The following GTF2E2 variants were observed in gnomAD, a reference collection of about 807,000 sequenced individuals.
GTF2E2 encodes general transcription factor IIE subunit 2.
A neutral mutation model predicts 40.5 loss-of-function variants in GTF2E2; 21 were observed. That is an observed-to-expected ratio of 0.52 (90% CI 0.37 to 0.75). GTF2E2 has a LOEUF of 0.75. Among genes scored for constraint, GTF2E2 ranks in the 30% least tolerant of loss-of-function variants. GTF2E2 has a pLI of 0.00. For missense variants in GTF2E2, 298 were observed against 338.4 expected (o/e 0.88, Z 0.94); for synonymous variants, 117 against 121.6 (o/e 0.96, Z 0.25).
chr8:30,644,880 A>G (rs1018097529), intron 2 of GTF2E2, among the ~76,000 whole-genome samples: 5 of 151,906 alleles, frequency 3.3e-5, no homozygotes, highest in Non-Finnish European at 7.4e-5. Flanking sequence ...CCTCCCAAGC[A>G]GCTGGGACTA....
chr8:30,617,604 T>C (rs1240236168), intron 3 of GTF2E2, among the ~76,000 whole-genome samples: 3 of 151,956 alleles, frequency 2.0e-5, no homozygotes, highest in Non-Finnish European at 4.4e-5. Context: ...ATACAAAAAT[T>C]AATCAGGTAT....
chr8:30,652,971 T>A (rs1256296772), intron 2 of GTF2E2, among the ~76,000 whole-genome samples: 1 of 152,166 alleles, frequency 6.6e-6, no homozygotes, highest in Non-Finnish European at 1.5e-5. Context: ...GACCACTTAC[T>A]GTACAATTTC....
At chr8:30,654,952 T>C (rs1290292791) in intron 1 of GTF2E2, among the ~76,000 whole-genome samples, 1 of 152,166 alleles carries the variant, frequency 6.6e-6, no homozygotes, top group Admixed American at 6.5e-5. Flanking sequence ...TAGAAATGTC[T>C]ACAGAGAGCC....
At chr8:30,624,171 C>G (rs564200360) in intron 3 of GTF2E2, among the ~76,000 whole-genome samples, 37 of 152,222 alleles carry the variant, frequency 2.4e-4, no homozygotes, top group African/African-American at 8.7e-4. Context: ...TTTAATCCAT[C>G]TTGAATTAAT....
intron 6 of GTF2E2, among the ~76,000 whole-genome samples, chr8:30,598,586 T>C (rs1829081549): frequency 6.6e-6 from 1 of 152,238 alleles, no homozygotes; most frequent in Non-Finnish European, 1.5e-5. Flanking sequence ...AGCTCAATGC[T>C]GTTGCAATAT....
chr8:30,642,875 CTCTT>C (rs1271017923), intron 2 of GTF2E2, among the ~76,000 whole-genome samples: 12 of 152,178 alleles, frequency 7.9e-5, no homozygotes, highest in South Asian at 2.1e-4. Context: ...TCCTGACTGC[CTCTT>C]TCTATTTATT....
chr8:30,643,223 A>G (rs1256213464), intron 2 of GTF2E2, among the ~76,000 whole-genome samples: 1 of 152,232 alleles, frequency 6.6e-6, no homozygotes, highest in Non-Finnish European at 1.5e-5. Context: ...GTTTAAAAAT[A>G]GAGTCCTCAC....
chr8:30,641,465 C>T (rs1801826405), intron 2 of GTF2E2, among the ~76,000 whole-genome samples: 1 of 152,180 alleles, frequency 6.6e-6, no homozygotes, highest in Non-Finnish European at 1.5e-5. Flanking sequence ...TAGGCTCAAG[C>T]TATCCCCCCA....
intron 5 of GTF2E2, among the ~76,000 whole-genome samples, chr8:30,608,687 C>T (rs1829392197): frequency 6.6e-6 from 1 of 152,138 alleles, no homozygotes; most frequent in Admixed American, 6.5e-5. Flanking sequence ...TTACTGGGGG[C>T]CAGGTGTGAT....
At chr8:30,629,604 G>A (rs1204716350) in intron 3 of GTF2E2, among the ~76,000 whole-genome samples, 1 of 151,520 alleles carries the variant, frequency 6.6e-6, no homozygotes, top group Non-Finnish European at 1.5e-5. Context: ...CAGGAGAATG[G>A]CGTGAACCCA....
intron 2 of GTF2E2, chr8:30,645,219 T>G: frequency 3.1e-6 from 4 of 1,295,930 alleles, no homozygotes; most frequent in Non-Finnish European, 4.1e-6. Flanking sequence ...ATCTTAGTAC[T>G]GAGATTTGAA....
chr8:30,601,844 C>T (rs1033325513), intron 6 of GTF2E2, among the ~76,000 whole-genome samples: 11 of 152,070 alleles, frequency 7.2e-5, no homozygotes, highest in African/African-American at 2.7e-4. Context: ...GAATCCTTTA[C>T]CACTTAAGGA....
At chr8:30,631,419 C>G (rs796546390) in intron 3 of GTF2E2, among the ~76,000 whole-genome samples, 7 of 152,158 alleles carry the variant, frequency 4.6e-5, no homozygotes, top group African/African-American at 1.7e-4. Context: ...ATTAGGGAGG[C>G]TGATTCCTTT....
At chr8:30,597,511 A>C (rs896416753) in intron 6 of GTF2E2, 1 of 152,212 alleles carries the variant, frequency 6.6e-6, no homozygotes, top group South Asian at 2.1e-4. Flanking sequence ...GTCCACACTA[A>C]GTTCATTAAA....
chr8:30,645,562 GACA>G (rs1353776951), intron 2 of GTF2E2: 3 of 1,535,544 alleles, frequency 2.0e-6, no homozygotes, highest in Admixed American at 2.0e-5. Flanking sequence ...AAGTATGATG[GACA>G]ACATCAGAAA....
intron 3 of GTF2E2, among the ~76,000 whole-genome samples, chr8:30,623,693 T>C (rs1484956368): frequency 1.3e-5 from 2 of 152,046 alleles, no homozygotes; most frequent in Admixed American, 6.5e-5. Context: ...TCCTGACTTT[T>C]TAATGATCAT....
chr8:30,594,280 C>G (rs1828932656), intron 6 of GTF2E2, among the ~76,000 whole-genome samples: 1 of 144,302 alleles, frequency 6.9e-6, no homozygotes, highest in African/African-American at 2.6e-5. Flanking sequence ...TTTTTTTAGA[C>G]AGAGTCTCCC....
intron 6 of GTF2E2, chr8:30,597,496 T>G (rs934243930): frequency 1.3e-5 from 2 of 152,350 alleles, no homozygotes; most frequent in Admixed American, 1.3e-4. Flanking sequence ...TCTGTTTTCT[T>G]GCTGGTCCAC....
chr8:30,616,535 T>C (rs1044259741), intron 3 of GTF2E2, among the ~76,000 whole-genome samples: 9 of 152,116 alleles, frequency 5.9e-5, no homozygotes, highest in African/African-American at 1.9e-4. Context: ...TGAGAATTTT[T>C]AGGGCAGTGA....
Sources: allele counts gnomAD v4.1 joint callset (sites outside exome capture counted in the v4.1 genomes callset), GRCh38; gene constraint gnomAD v4.1.1; transcripts MANE v1.5; gene names NCBI Gene and HGNC (gene_info 2026-07-23, HGNC 2026-07-21).